Variants in SORBS2 observed in about 807,000 individuals in gnomAD.
SORBS2 encodes sorbin and SH3 domain-containing protein 2.
A neutral mutation model predicts 97.7 loss-of-function variants in SORBS2; 46 were observed. The observed-to-expected ratio is 0.47, with a 90% CI of 0.37 to 0.60. SORBS2 has a LOEUF of 0.60. Among genes scored for constraint, SORBS2 ranks in the 20% least tolerant of loss-of-function variants. The probability of loss-of-function intolerance (pLI) is 0.00; values close to 1 mark genes in which losing one functional copy is unlikely to be tolerated. For missense variants in SORBS2, 1,316 were observed against 1,282.3 expected (o/e 1.03, Z -0.40); for synonymous variants, 476 against 473.4 (o/e 1.01, Z -0.07).
intron 2 of SORBS2, among the ~76,000 whole-genome samples, chr4:185,683,939 C>T (rs1422247856): frequency 6.6e-6 from 1 of 152,204 alleles, no homozygotes; most frequent in East Asian, 1.9e-4. Flanking sequence ...CCCTTTCTCA[C>T]TTCTGCTGTA....
chr4:185,880,069 C>T (rs1049537125), intron 1 of SORBS2, among the ~76,000 whole-genome samples: 2 of 152,196 alleles, frequency 1.3e-5, no homozygotes, highest in Non-Finnish European at 2.9e-5. Context: ...TCCATGATTA[C>T]GTAGCTGAGG....
intron 1 of SORBS2, among the ~76,000 whole-genome samples, chr4:185,936,958 AGACAGT>A (rs2099269254): frequency 1.3e-5 from 2 of 152,262 alleles, no homozygotes; most frequent in South Asian, 4.1e-4. Flanking sequence ...TCAGCTTCTT[AGACAGT>A]AAGAGGACTA....
intron 1 of SORBS2, among the ~76,000 whole-genome samples, chr4:185,811,377 G>T (rs73017860): frequency 1.3e-5 from 2 of 152,156 alleles, no homozygotes; most frequent in Non-Finnish European, 2.9e-5. Context: ...CTGTGAGGAC[G>T]GTTCAGAACA....
intron 2 of SORBS2, among the ~76,000 whole-genome samples, chr4:185,695,915 T>TGGCA (rs1033055439): frequency 6.6e-6 from 1 of 152,190 alleles, no homozygotes; most frequent in Non-Finnish European, 1.5e-5. Flanking sequence ...CCTGAGTGGG[T>TGGCA]GGCACACAAG....
intron 1 of SORBS2, among the ~76,000 whole-genome samples, chr4:185,953,904 T>C (rs994383815): frequency 3.3e-4 from 51 of 152,352 alleles, no homozygotes; most frequent in African/African-American, 1.2e-3. Context: ...CACACCTGTG[T>C]GTGTCCAAGG....
At chr4:185,943,483 A>T (rs1456034462) in intron 1 of SORBS2, among the ~76,000 whole-genome samples, 1 of 152,232 alleles carries the variant, frequency 6.6e-6, no homozygotes, top group Non-Finnish European at 1.5e-5. Flanking sequence ...AGCTGTAAGA[A>T]GTAATTTCTA....
At chr4:185,743,466 G>A (rs1293049814) in intron 2 of SORBS2, among the ~76,000 whole-genome samples, 1 of 152,202 alleles carries the variant, frequency 6.6e-6, no homozygotes, top group Non-Finnish European at 1.5e-5. Flanking sequence ...TGAGTTTCGT[G>A]ATGGCTTCTT....
chr4:185,955,671 G>A (rs1233815556), intron 1 of SORBS2, among the ~76,000 whole-genome samples: 1 of 152,058 alleles, frequency 6.6e-6, no homozygotes, highest in Non-Finnish European at 1.5e-5. Flanking sequence ...GATAATTAAG[G>A]CATCTTAATT....
intron 2 of SORBS2, among the ~76,000 whole-genome samples, chr4:185,700,917 C>T (rs2098252025): frequency 6.6e-6 from 1 of 152,246 alleles, no homozygotes; most frequent in African/African-American, 2.4e-5. Flanking sequence ...CTCAATCCAC[C>T]AAAAATAGGC....
At chr4:185,836,272 G>T (rs879377784) in intron 1 of SORBS2, among the ~76,000 whole-genome samples, 26 of 152,282 alleles carry the variant, frequency 1.7e-4, no homozygotes, top group Admixed American at 1.6e-3. Context: ...CTAACTGAAA[G>T]CTTTCCCTGT....
intron 4 of SORBS2, among the ~76,000 whole-genome samples, chr4:185,641,211 G>A (rs1488475707): frequency 6.6e-6 from 1 of 151,854 alleles, no homozygotes; most frequent in African/African-American, 2.4e-5. Flanking sequence ...CATGAATTAT[G>A]CTTTTGTTTA....
intron 1 of SORBS2, among the ~76,000 whole-genome samples, chr4:185,951,558 A>G (rs557896829): frequency 6.6e-6 from 1 of 152,340 alleles, no homozygotes; most frequent in South Asian, 2.1e-4. Context: ...CTCCTGCACT[A>G]ATAGATGACA....
At chr4:185,934,204 C>A (rs1172021096) in intron 1 of SORBS2, among the ~76,000 whole-genome samples, 2 of 152,162 alleles carry the variant, frequency 1.3e-5, no homozygotes, top group African/African-American at 4.8e-5. Flanking sequence ...GTTTGAATAA[C>A]AATCTAGAGG....
At chr4:185,872,394 T>C (rs945196317) in intron 1 of SORBS2, among the ~76,000 whole-genome samples, 2 of 152,234 alleles carry the variant, frequency 1.3e-5, no homozygotes, top group Non-Finnish European at 2.9e-5. Flanking sequence ...TTCCTCCATC[T>C]GTACAAGGGG....
At chr4:185,664,539 C>T (rs563353534) in intron 4 of SORBS2, among the ~76,000 whole-genome samples, 4 of 152,200 alleles carry the variant, frequency 2.6e-5, no homozygotes, top group South Asian at 2.1e-4. Context: ...TCCTGGTGCC[C>T]GTAGTTGGGC....
intron 1 of SORBS2, among the ~76,000 whole-genome samples, chr4:185,896,216 A>G (rs2099244963): frequency 6.6e-6 from 1 of 152,244 alleles, no homozygotes; most frequent in African/African-American, 2.4e-5. Flanking sequence ...TGCATAAAGA[A>G]ATGCACTTAA....
intron 4 of SORBS2, 24 bp downstream of exon 7, chr4:185,678,399 G>C: frequency 6.5e-7 from 1 of 1,530,126 alleles, no homozygotes; most frequent in Non-Finnish European, 8.8e-7. Flanking sequence ...AAATAATGCA[G>C]TAGCCAAGAG....
intron 1 of SORBS2, among the ~76,000 whole-genome samples, chr4:185,949,791 T>C (rs1434503778): frequency 6.6e-6 from 1 of 152,050 alleles, no homozygotes; most frequent in Non-Finnish European, 1.5e-5. Flanking sequence ...TGAGACCTAT[T>C]TGGGAACTAT....
At chr4:185,674,794 T>C (rs2097769138) in intron 4 of SORBS2, among the ~76,000 whole-genome samples, 1 of 152,152 alleles carries the variant, frequency 6.6e-6, no homozygotes, top group African/African-American at 2.4e-5. Flanking sequence ...GCCTAGAATA[T>C]TCTTCCTCCT....
Sources: allele counts gnomAD v4.1 joint callset (sites outside exome capture counted in the v4.1 genomes callset), GRCh38; gene constraint gnomAD v4.1.1; transcripts MANE v1.5; gene names NCBI Gene and HGNC (gene_info 2026-07-23, HGNC 2026-07-21).